Variants in CBFA2T3 observed in about 807,000 individuals in gnomAD.
The protein encoded by CBFA2T3 is transcriptional corepressor CBFA2T3.
Under a neutral mutation model 58.6 loss-of-function variants are expected in CBFA2T3, and 31 were observed. That is an observed-to-expected ratio of 0.53 (90% CI 0.40 to 0.71). CBFA2T3 has a LOEUF of 0.71. CBFA2T3 is among the 30% of genes least tolerant of loss of function. CBFA2T3 has a pLI of 0.00. For synonymous variants in CBFA2T3, 531 were observed against 421.9 expected, an observed-to-expected ratio of 1.26 and a Z score of -3.17; for missense variants, 1,076 against 963.1, an observed-to-expected ratio of 1.12 and a Z score of -1.55.
intron 1 of CBFA2T3, among the ~76,000 whole-genome samples, chr16:88,926,947 C>T (rs569661333): frequency 3.6e-4 from 55 of 152,196 alleles, no homozygotes; most frequent in Non-Finnish European, 5.9e-4. Context: ...TGAGACAAGG[C>T]TCCTCACTGG....
Position 88,885,572 on chromosome 16 carries a change from C to T in CBFA2T3, c.894-303G>A, listed in dbSNP as rs1363963089. Among the ~76,000 whole-genome samples the T allele has an allele frequency of 2.0e-5, 3 of 152,136 alleles. No homozygotes were observed. Among genetic ancestry groups the T allele is most frequent in the African/African-American group, 7.2e-5 (3 of 41,424 alleles). Reference sequence around the variant, plus strand: ...CGAGGAGAGGGATACACCAGGCTTCCGTAACTGGAGACCACCTGCCCCTTG... The same window carrying T: ...CGAGGAGAGGGATACACCAGGCTTCTGTAACTGGAGACCACCTGCCCCTTG... On this transcript the variant is annotated intron_variant, in intron 6 of 11. Transcript: ENST00000268679. This position sits in a 1 kb window ranked among gnomAD's most constrained non-coding sequence, Gnocchi z 5.3.
At chr16:88,923,833 C>T (rs1193729426) in intron 1 of CBFA2T3, among the ~76,000 whole-genome samples, 1 of 152,206 alleles carries the variant, frequency 6.6e-6, no homozygotes, top group East Asian at 1.9e-4. Context: ...CCGAACCCAC[C>T]CCCGAGGACC....
At chr16:88,891,724 G>C (rs947946663) in intron 5 of CBFA2T3, among the ~76,000 whole-genome samples, 158 bp downstream of exon 5, 1 of 151,986 alleles carries the variant, frequency 6.6e-6, no homozygotes, top group Non-Finnish European at 1.5e-5. Flanking sequence ...AGGGTCCCAG[G>C]TTGGCCAAGA....
chr16:88,892,376 C>T lies in CBFA2T3; in HGVS notation c.489G>A (p.Gln163=). The part of the protein sequence containing the change: ...ATSSTASLST[Q]HLPPACGARQ... ...GGGCCCCGCAGGCTGGGGGCAGGTG[C>T]TGTGTGGACAAGGAGGCTGTGGACG... The change falls in exon 4 of 12, where the codon CAG becomes CAA. Residue 163 remains glutamine, a synonymous_variant. Coordinates refer to ENST00000268679, the MANE Select transcript of CBFA2T3 (RefSeq NM_005187.6). 6.2e-7 allele frequency: 1 copy of T among 1,613,454 alleles called. No homozygotes were observed. The highest frequency in any genetic ancestry group is 8.5e-7 in the Non-Finnish European group (1 of 1,179,978).
In CBFA2T3 at chr16:88,876,587, T is replaced by TAGAGAG; in HGVS notation, c.*383_*388dup. On this transcript the variant is annotated 3_prime_UTR_variant, in exon 12 of 12. Coordinates refer to ENST00000268679, the MANE Select transcript of CBFA2T3 (RefSeq NM_005187.6). ...TTGAAGAGAAAGTGTGTGATAGTCA[T>TAGAGAG]AGAGAGAGAGAGGATAGAGAAGACA... 3.8e-6 allele frequency: 1 copy of TAGAGAG among 261,298 alleles called. No homozygotes were observed. The highest frequency in any genetic ancestry group is 2.2e-5 in the African/African-American group (1 of 46,172). 16.2% of individuals were successfully genotyped at this position (261,298 alleles called of 1,614,324 possible).
intron 1 of CBFA2T3, among the ~76,000 whole-genome samples, chr16:88,957,013 A>G (rs1972235817): frequency 7.0e-6 from 1 of 142,556 alleles, no homozygotes; most frequent in Non-Finnish European, 1.5e-5. Flanking sequence ...CCACAGAATG[A>G]GTGGCTCACC....
chr16:88,916,231 T>C (rs959481953), intron 1 of CBFA2T3, among the ~76,000 whole-genome samples: 4 of 147,014 alleles, frequency 2.7e-5, no homozygotes, highest in Admixed American at 1.3e-4. Context: ...CATGTGGGTG[T>C]GTGTATTCAT....
chr16:88,942,943 G>C (rs529293822), intron 1 of CBFA2T3, among the ~76,000 whole-genome samples: 55 of 152,340 alleles, frequency 3.6e-4, no homozygotes, highest in African/African-American at 1.3e-3. Context: ...TACAGTGCGA[G>C]TCCCCATGCG....
In CBFA2T3 at chr16:88,953,624, C is replaced by T. The variant is rs910121386; in HGVS notation, c.151+23033G>A. Among the ~76,000 whole-genome samples, 2 of 152,146 alleles carry T rather than the reference C, an allele frequency of 1.3e-5. No homozygotes were observed. The highest frequency in any genetic ancestry group is 2.4e-5 in the African/African-American group (1 of 41,418). On this transcript the variant is annotated intron_variant, in intron 1 of 11. Coordinates refer to ENST00000268679, the MANE Select transcript of CBFA2T3 (RefSeq NM_005187.6). The surrounding 1 kb of genome is among the most constrained non-coding windows in gnomAD (Gnocchi z 4.9). ...ACAGTGCCAGCAGGAGTGGCCGGGA[C>T]GATGACGAGGTGAGGTGTCTGCTCC...
At chr16:88,940,817 C>T (rs1354890742) in intron 1 of CBFA2T3, among the ~76,000 whole-genome samples, 4 of 152,176 alleles carry the variant, frequency 2.6e-5, no homozygotes, top group Admixed American at 6.5e-5. Flanking sequence ...GCCGCAGCCC[C>T]CGCAGGTCAG....
intron 1 of CBFA2T3, among the ~76,000 whole-genome samples, chr16:88,974,783 C>T (rs777600690): frequency 2.2e-4 from 34 of 152,070 alleles, no homozygotes; most frequent in Non-Finnish European, 4.1e-4. Flanking sequence ...CCATGGCCCC[C>T]GCTCCTCCAG....
At chr16:88,888,890 G>A (rs1486619746) in intron 5 of CBFA2T3, among the ~76,000 whole-genome samples, 2 of 151,790 alleles carry the variant, frequency 1.3e-5, no homozygotes, top group Non-Finnish European at 2.9e-5. Flanking sequence ...GGGAGACTGA[G>A]GTGGACACGG....
chr16:88,915,741 G>T (rs1450835604), intron 1 of CBFA2T3, among the ~76,000 whole-genome samples: 4 of 128,674 alleles, frequency 3.1e-5, no homozygotes, highest in Non-Finnish European at 6.6e-5. Flanking sequence ...AAGGGGGAGC[G>T]TGGGGGGGGA....
Position 88,879,279 on chromosome 16 carries a change from GTCC to G in CBFA2T3, c.1650_1652del (p.Glu550del), listed in dbSNP as rs1421963472. Reference sequence around the variant, plus strand: ...GGCCGGGTGGCCCTACCTCGCTGGAGTCCTCCTGCTGGTTGATGACCGTCAGGG... The same window carrying G: ...GGCCGGGTGGCCCTACCTCGCTGGAGTCCTGCTGGTTGATGACCGTCAGGG... On this transcript the variant is annotated inframe_deletion, in exon 11 of 12. Coordinates refer to ENST00000268679, the MANE Select transcript of CBFA2T3 (RefSeq NM_005187.6). 1.3e-6 allele frequency: 2 copies of G among 1,596,202 alleles called. No individual in the cohort carries two copies. Among genetic ancestry groups the G allele is most frequent in the Non-Finnish European group, 8.5e-7 (1 of 1,170,094 alleles).
rs17783241 is a variant in CBFA2T3, at chr16:88,948,650, G to A, written c.151+28007C>T. On this transcript the variant is annotated intron_variant, in intron 1 of 11. Transcript: ENST00000268679. ...GGCATCGCTGCTTTTGCAGAATGAG[G>A]TTCCTAATTGTGAAGTGGCTTCATT... 2.9e-3 allele frequency among the ~76,000 whole-genome samples: 439 copies of A among 152,324 alleles called. 4 individuals are homozygous for A. The highest frequency in any genetic ancestry group is 0.021 in the East Asian group (110 of 5,178).
intron 1 of CBFA2T3, among the ~76,000 whole-genome samples, chr16:88,927,175 G>C (rs1470245707): frequency 2.0e-5 from 3 of 152,258 alleles, no homozygotes; most frequent in Non-Finnish European, 4.4e-5. Flanking sequence ...TATTTGTCGA[G>C]GGAATGAACG....
At chr16:88,941,457 C>T (rs1256876000) in intron 1 of CBFA2T3, among the ~76,000 whole-genome samples, 3 of 147,842 alleles carry the variant, frequency 2.0e-5, no homozygotes, top group Non-Finnish European at 4.5e-5. Flanking sequence ...CTCAGCTCCG[C>T]CCCGGGGCGC....
At chr16:88,906,144 TGGG>T (rs984873502) in intron 1 of CBFA2T3, among the ~76,000 whole-genome samples, 15 of 152,152 alleles carry the variant, frequency 9.9e-5, no homozygotes, top group Non-Finnish European at 1.9e-4. Context: ...CCAAGCAGTG[TGGG>T]GAGTCTCTGG....
chr16:88,917,949 C>A (rs1259445921), intron 1 of CBFA2T3, among the ~76,000 whole-genome samples: 1 of 152,186 alleles, frequency 6.6e-6, no homozygotes, highest in Non-Finnish European at 1.5e-5. Flanking sequence ...GGAGACGGTG[C>A]AGGCGAAACC....
Sources: gnomAD v4.1 joint callset for allele counts (sites outside exome capture counted in the v4.1 genomes callset) on GRCh38, gnomAD v4.1.1 for gene constraint, Gnocchi (gnomAD v3.1) non-coding constraint, MANE v1.5 for transcripts, NCBI Gene and HGNC (gene_info 2026-07-23, HGNC 2026-07-21) for gene names.